Variants in MSH3 observed in about 807,000 individuals in gnomAD.
The protein encoded by MSH3 is DNA mismatch repair protein Msh3.
Under a neutral mutation model 123.3 loss-of-function variants are expected in MSH3, and 106 were observed. That is an observed-to-expected ratio of 0.86 (90% confidence interval 0.73 to 1.01). The LOEUF is 1.01. Among genes scored for constraint, MSH3 ranks in the 50% least tolerant of loss-of-function variants. The pLI is 0.00. For synonymous variants in MSH3, 515 were observed against 481.4 expected (o/e 1.07, Z -0.91); for missense variants, 1,459 against 1,347.6 (o/e 1.08, Z -1.29).
At chr5:80,676,980 C>T (rs1310672167) in intron 7 of MSH3, among the ~76,000 whole-genome samples, 1 of 152,180 alleles carries the variant, frequency 6.6e-6, no homozygotes, top group African/African-American at 2.4e-5. Flanking sequence ...CTGTCCTTTA[C>T]TTCAGCAACC....
intron 19 of MSH3, among the ~76,000 whole-genome samples, chr5:80,804,833 TC>T (rs1390921672): frequency 6.6e-6 from 1 of 152,084 alleles, no homozygotes; most frequent in African/African-American, 2.4e-5. Context: ...AGGTGGCAAA[TC>T]CAGCCTGAAG....
intron 23 of MSH3, among the ~76,000 whole-genome samples, 165 bp from the exon 24 acceptor site, chr5:80,875,586 C>T (rs1373664425): frequency 6.6e-6 from 1 of 152,192 alleles, no homozygotes; most frequent in African/African-American, 2.4e-5. Flanking sequence ...ATTATAGTAG[C>T]AGCTCTGAAA....
intron 20 of MSH3, among the ~76,000 whole-genome samples, chr5:80,827,079 T>A (rs1044153058): frequency 6.6e-5 from 10 of 152,194 alleles, no homozygotes; most frequent in African/African-American, 2.4e-4. Context: ...ATTATCTTGA[T>A]GAATATAAAC....
At chr5:80,818,905 G>A (rs1396438953) in intron 20 of MSH3, among the ~76,000 whole-genome samples, 1 of 152,012 alleles carries the variant, frequency 6.6e-6, no homozygotes, top group Non-Finnish European at 1.5e-5. Context: ...TATTGTTCTG[G>A]GATTTAGCCA....
chr5:80,720,412 C>CTTTCAATCTTTCAA (rs1014081306), intron 8 of MSH3, among the ~76,000 whole-genome samples: 7 of 152,094 alleles, frequency 4.6e-5, no homozygotes, highest in South Asian at 2.1e-4. Context: ...TTGTTACTTT[C>CTTTCAATCTTTCAA]TTTCAATCTT....
chr5:80,679,173 C>G, intron 8 of MSH3, 80 bp downstream of exon 8: 1 of 1,415,876 alleles, frequency 7.1e-7, no homozygotes, highest in African/African-American at 1.4e-5. Flanking sequence ...ATTAAAGTTG[C>G]TAAAAATAGT....
intron 20 of MSH3, 84 bp from the exon 21 acceptor site, chr5:80,854,046 T>C: frequency 9.1e-7 from 1 of 1,101,812 alleles, no homozygotes; most frequent in Non-Finnish European, 1.4e-6. Flanking sequence ...AGTGATCTTT[T>C]ATATTTATTG....
At chr5:80,720,485 T>A (rs1441644288) in intron 8 of MSH3, among the ~76,000 whole-genome samples, 1 of 117,722 alleles carries the variant, frequency 8.5e-6, no homozygotes, top group Non-Finnish European at 2.1e-5. Context: ...ATTTCCTGCT[T>A]CTTATCTTTA....
chr5:80,847,128 C>T (rs1745738752), intron 20 of MSH3, among the ~76,000 whole-genome samples: 1 of 152,090 alleles, frequency 6.6e-6, no homozygotes, highest in Admixed American at 6.5e-5. Context: ...GGTGCAACCT[C>T]AGCTCACTGT....
intron 19 of MSH3, among the ~76,000 whole-genome samples, chr5:80,807,050 G>A (rs1744903149): frequency 6.6e-6 from 1 of 151,848 alleles, no homozygotes; most frequent in African/African-American, 2.4e-5. Flanking sequence ...AAATTACCTG[G>A]ATGTGATGGC....
At chr5:80,759,213 A>G (rs920754760) in intron 12 of MSH3, among the ~76,000 whole-genome samples, 4 of 152,224 alleles carry the variant, frequency 2.6e-5, no homozygotes, top group Non-Finnish European at 4.4e-5. Flanking sequence ...TAGGAAAGAC[A>G]GTGAAGTAGT....
chr5:80,685,092 A>G (rs967050872), intron 8 of MSH3, among the ~76,000 whole-genome samples: 3 of 152,108 alleles, frequency 2.0e-5, no homozygotes, highest in Non-Finnish European at 4.4e-5. Context: ...TTTCGCATCA[A>G]TATTCATCAA....
intron 17 of MSH3, among the ~76,000 whole-genome samples, chr5:80,781,945 A>T (rs990946339): frequency 6.6e-6 from 1 of 152,176 alleles, no homozygotes; most frequent in African/African-American, 2.4e-5. Context: ...GAAGCATATG[A>T]TACTCTAATT....
chr5:80,784,907 C>T (rs908734906), intron 17 of MSH3, among the ~76,000 whole-genome samples: 14 of 151,992 alleles, frequency 9.2e-5, no homozygotes, highest in South Asian at 4.2e-4. Context: ...ATATATTTTT[C>T]GGTTCACAAA....
At chr5:80,681,664 TATTA>T (rs1749971374) in intron 8 of MSH3, among the ~76,000 whole-genome samples, 1 of 148,050 alleles carries the variant, frequency 6.8e-6, no homozygotes, top group African/African-American at 2.5e-5. Context: ...GTATATATTT[TATTA>T]ATTTAGATTG....
At chr5:80,773,625 G>T (rs1166707648) in intron 15 of MSH3, among the ~76,000 whole-genome samples, 2 of 152,090 alleles carry the variant, frequency 1.3e-5, no homozygotes, top group African/African-American at 2.4e-5. Context: ...CTGAAGGTAC[G>T]TGCATATAAT....
chr5:80,844,772 T>A (rs1745691032), intron 20 of MSH3, among the ~76,000 whole-genome samples: 1 of 152,018 alleles, frequency 6.6e-6, no homozygotes, highest in East Asian at 1.9e-4. Context: ...CCTCCTTCCC[T>A]TTATTTTGAG....
chr5:80,737,679 T>C (rs971754270), intron 10 of MSH3, among the ~76,000 whole-genome samples: 2 of 152,150 alleles, frequency 1.3e-5, no homozygotes, highest in Non-Finnish European at 2.9e-5. Context: ...TTCAAAAATA[T>C]ATATAATTCT....
At chr5:80,783,423 TCAAA>T (rs1414684597) in intron 17 of MSH3, among the ~76,000 whole-genome samples, 1 of 152,136 alleles carries the variant, frequency 6.6e-6, no homozygotes, top group African/African-American at 2.4e-5. Flanking sequence ...GACCAAGATG[TCAAA>T]CAAGCCTTCT....
Sources: allele counts gnomAD v4.1 joint callset (sites outside exome capture counted in the v4.1 genomes callset), GRCh38; gene constraint gnomAD v4.1.1; transcripts MANE v1.5; gene names NCBI Gene and HGNC (gene_info 2026-07-23, HGNC 2026-07-21).